Variants in PIEZO1 observed in about 807,000 individuals in gnomAD.
PIEZO1 encodes piezo-type mechanosensitive ion channel component 1.
In PIEZO1, 296 loss-of-function variants were observed where a neutral mutation model predicts 297.2. The observed-to-expected ratio is 1.00, with a 90% CI of 0.91 to 1.10. The LOEUF (loss-of-function observed/expected upper bound fraction) is 1.10. PIEZO1 is among the 50% of genes least tolerant of loss of function. PIEZO1 has a pLI of 0.00. For missense variants in PIEZO1, 5,018 were observed against 3,455.5 expected (o/e 1.45, Z -11.34); for synonymous variants, 2,427 against 1,507.5 (o/e 1.61, Z -14.13).
chr16:88,753,856 G>A (rs1906521112), intron 1 of PIEZO1, among the ~76,000 whole-genome samples: 1 of 152,212 alleles, frequency 6.6e-6, no homozygotes, highest in Non-Finnish European at 1.5e-5. Context: ...TCCAACTCAG[G>A]GCAGGTCGGA....
At chr16:88,735,371 C>T in intron 12 of PIEZO1, 125 bp from the exon 13 acceptor site, 1 of 680,534 alleles carries the variant, frequency 1.5e-6, no homozygotes, top group South Asian at 1.7e-5. Flanking sequence ...AGCCCATCCA[C>T]CGCAGCCTCC....
At chr16:88,760,580 C>A (rs886418164) in intron 1 of PIEZO1, among the ~76,000 whole-genome samples, 3 of 152,206 alleles carry the variant, frequency 2.0e-5, no homozygotes, top group African/African-American at 4.8e-5. Context: ...GGGGAACGAC[C>A]CGCCTTTAAG....
At chr16:88,741,440 T>A in intron 5 of PIEZO1, 38 bp downstream of exon 5, 1 of 1,497,982 alleles carries the variant, frequency 6.7e-7, no homozygotes. Context: ...AGCTCTCGAA[T>A]GACCTCCCTG....
chr16:88,716,597 C>G lies in PIEZO1; in HGVS notation c.6888G>C (p.Thr2296=). ...AQMKRELYNG[T]ADITLRFTWN... is the part of the protein sequence containing the mutation. Reference sequence around the variant, plus strand: ...AGGTGAAGCGCAGGGTGATGTCGGCCGTGCCGTTGTAGAGCTCCCGCTTCA... The same window carrying G: ...AGGTGAAGCGCAGGGTGATGTCGGCGGTGCCGTTGTAGAGCTCCCGCTTCA... The change falls in exon 47 of 51, where the codon ACG becomes ACC. Residue 2296 remains threonine, a synonymous_variant. Transcript: ENST00000301015. The G allele has an allele frequency of 6.5e-7, 1 of 1,548,408 alleles. No individual in the cohort carries two copies. Among genetic ancestry groups the G allele is most frequent in the Non-Finnish European group, 8.7e-7 (1 of 1,145,800 alleles).
intron 1 of PIEZO1, among the ~76,000 whole-genome samples, chr16:88,774,206 A>G (rs1442885029): frequency 6.6e-6 from 1 of 152,128 alleles, no homozygotes; most frequent in East Asian, 1.9e-4. Context: ...GGCGACGCCC[A>G]GTGACTCCCT....
intron 1 of PIEZO1, among the ~76,000 whole-genome samples, chr16:88,761,624 T>C (rs1301550570): frequency 1.3e-5 from 2 of 152,110 alleles, no homozygotes; most frequent in East Asian, 1.9e-4. Context: ...GGGTCCGCAG[T>C]GAACGACCCC....
rs1022134676 is a variant in PIEZO1, at chr16:88,734,552, G to A, written c.1998-14C>T. On this transcript the variant is annotated splice_polypyrimidine_tract_variant and intron_variant, in intron 15 of 50. Transcript: ENST00000301015. ...AGGTCCCCCAGCCTGTGGAGGGGCA[G>A]CATCAGCACCGGCCCGGCCCCCGGC... 2.6e-6 allele frequency: 4 copies of A among 1,542,384 alleles called. No homozygotes were observed. The highest frequency in any genetic ancestry group is 3.5e-6 in the Non-Finnish European group (4 of 1,142,076).
At chr16:88,727,318 C>T in intron 23 of PIEZO1, 126 bp from the exon 24 acceptor site, 1 of 1,133,858 alleles carries the variant, frequency 8.8e-7, no homozygotes, top group African/African-American at 1.6e-5. Context: ...ACACGTCTGC[C>T]TGGGTGAGTG....
chr16:88,765,616 G>C (rs1907139482), intron 1 of PIEZO1, among the ~76,000 whole-genome samples: 1 of 152,056 alleles, frequency 6.6e-6, no homozygotes, highest in Admixed American at 6.5e-5. Flanking sequence ...CTGGACAGCA[G>C]CGCCTGGAGC....
intron 19 of PIEZO1, chr16:88,733,029 C>G (rs578220230): frequency 3.4e-6 from 2 of 582,982 alleles, no homozygotes; most frequent in Non-Finnish European, 6.1e-6. Flanking sequence ...GGGGCCCTCC[C>G]GTCCTCACTG....
At position 88,717,015 on chromosome 16, in the gene PIEZO1, A is replaced by G. The variant is rs1337323548; in HGVS notation, c.6660+8T>C. The G allele has an allele frequency of 6.5e-7, 1 of 1,550,334 alleles. No individual in the cohort carries two copies. Among genetic ancestry groups the G allele is most frequent in the East Asian group, 2.4e-5 (1 of 40,928 alleles). ...TGGGAATGGACAGGCGGACCCACAC[A>G]TGCTCACCTCATAGCCGCCCAGCTT... On this transcript the variant is annotated splice_region_variant and intron_variant, in intron 45 of 50. Transcript: ENST00000301015.
intron 4 of PIEZO1, 35 bp downstream of exon 4, chr16:88,742,018 G>C: frequency 6.5e-7 from 1 of 1,534,030 alleles, no homozygotes; most frequent in Non-Finnish European, 8.7e-7. Context: ...CCCCAAGGGA[G>C]GCTTGCTGGT....
Position 88,736,262 on chromosome 16 carries a change from G to A in PIEZO1, c.1443C>T (p.Arg481=). The change falls in exon 12 of 51, where the codon CGC becomes CGT. Residue 481 remains arginine (R), a synonymous_variant. Transcript: ENST00000301015. The part of the protein sequence containing the change: ...LLYGMTLCCL[R]YVWAMDLRPE... Reference sequence around the variant, plus strand: ...GGCGCAGGTCCATGGCCCACACGTAGCGTAGGCAGCACAGCGTCATCCCAT... The same window carrying A: ...GGCGCAGGTCCATGGCCCACACGTAACGTAGGCAGCACAGCGTCATCCCAT... 6.5e-7 allele frequency: 1 copy of A among 1,550,156 alleles called. No individual in the cohort carries two copies. The highest frequency in any genetic ancestry group is 8.7e-7 in the Non-Finnish European group (1 of 1,146,826).
chr16:88,784,984 C>A lies in PIEZO1; in HGVS notation c.-20G>T. On this transcript the variant is annotated 5_prime_UTR_variant, in exon 1 of 51. Coordinates refer to ENST00000301015, the MANE Select transcript of PIEZO1 (RefSeq NM_001142864.4). The stretch of plus-strand genomic sequence containing the variant: ...CTCCATGGCTGGAGGGCCCAGGGCC[C>A]GGCCCAGACCGAGCGGACGCCGCGG... 8.0e-7 allele frequency: 1 copy of A among 1,243,690 alleles called. No homozygotes were observed. Among genetic ancestry groups the A allele is most frequent in the Non-Finnish European group, 1.0e-6 (1 of 989,142 alleles). The allele number at this position is 1,243,690 out of a possible 1,614,324, so 77.0% of individuals were successfully genotyped here.
Position 88,725,065 on chromosome 16 carries a change from C to T in PIEZO1, c.4178G>A (p.Gly1393Glu), listed in dbSNP as rs1360901738. 2 of 1,510,734 alleles carry T rather than the reference C, an allele frequency of 1.3e-6. No homozygotes were observed. Among genetic ancestry groups the T allele is most frequent in the African/African-American group, 1.4e-5 (1 of 70,268 alleles). 93.6% of individuals were successfully genotyped at this position (1,510,734 alleles called of 1,614,324 possible). ...CTGCCTCCGTGGCGGGGAGGAGCCC[C>T]CTGGACTGTCGGGCCCTGTGGAGGG... ...PGLEPGPDSPGGSSPPRRQWW... is the reference protein window; with the variant it reads ...PGLEPGPDSPEGSSPPRRQWW... The change falls in exon 30 of 51, where the codon GGG (glycine) becomes GAG (glutamate). Residue 1393 changes from glycine to glutamate, a missense_variant. Physicochemically the swap from Gly to Glu is moderately conservative, Grantham distance 98 (BLOSUM62 -2). Transcript: ENST00000301015.
At position 88,741,517 on chromosome 16, in the gene PIEZO1, A is replaced by G. The variant is rs2142842527; in HGVS notation, c.426T>C (p.Leu142=). 5 of 1,535,650 alleles carry G rather than the reference A, an allele frequency of 3.3e-6. No individual in the cohort carries two copies. The East Asian group carries it at 1.2e-4, about 38-fold the overall frequency. ...GTGGGCTCTGCCGGGTGTTCCTTGC[A>G]AGGCGCCCGCAGATGCCGAGGCAGA... is the stretch of plus-strand genomic sequence containing the variant. The part of the protein sequence containing the change: ...SSVCLGICGR[L]ARNTRQSPHP... The change falls in exon 5 of 51, where the codon CTT becomes CTC. Residue 142 remains leucine, a synonymous_variant. Coordinates refer to ENST00000301015, the MANE Select transcript of PIEZO1 (RefSeq NM_001142864.4).
chr16:88,749,465 A>G lies in PIEZO1; in HGVS notation c.79T>C (p.Phe27Leu). The change falls in exon 2 of 51, where the codon TTC (phenylalanine) becomes CTC (leucine). Residue 27 changes from phenylalanine (F) to leucine (L), a missense_variant. Transcript: ENST00000301015. Reference protein sequence around the residue: ...CALLAACLLRFSGLSLVYLLF... With the variant: ...CALLAACLLRLSGLSLVYLLF... Reference sequence around the variant, plus strand: ...AGGTAGACCAGCGAGAGTCCGCTGAAGCGGAGCAGGCAGGCTGCGGGGAGA... The same window carrying G: ...AGGTAGACCAGCGAGAGTCCGCTGAGGCGGAGCAGGCAGGCTGCGGGGAGA... 2.0e-6 allele frequency: 3 copies of G among 1,526,200 alleles called. No individual in the cohort carries two copies. Among genetic ancestry groups the G allele is most frequent in the Non-Finnish European group, 2.6e-6 (3 of 1,143,106 alleles). The allele number at this position is 1,526,200 out of a possible 1,614,324, so 94.5% of individuals were successfully genotyped here.
At chr16:88,767,539 C>T (rs1907232265) in intron 1 of PIEZO1, among the ~76,000 whole-genome samples, 1 of 152,194 alleles carries the variant, frequency 6.6e-6, no homozygotes, top group Non-Finnish European at 1.5e-5. Flanking sequence ...CAAACCCCTG[C>T]TCCTCTCCCA....
rs1567675513 is a variant in PIEZO1, at chr16:88,737,608, G to C, written c.1146C>G (p.Asn382Lys). Residue 382 changes from asparagine to lysine, a missense_variant, in exon 10 of 51, where the codon AAC becomes AAG. Transcript: ENST00000301015. ...GGCCGGTCAGCTCGTGCACGATGCA[G>C]TTATCAGCCTCGGTGTCGGGTGCTG... The part of the protein sequence containing the change: ...VPTAPDTEAD[N>K]CIVHELTGQS... 2 of 1,534,976 alleles carry C rather than the reference G, an allele frequency of 1.3e-6. No individual in the cohort carries two copies. The highest frequency in any genetic ancestry group is 2.4e-5 in the East Asian group (1 of 40,914).
Sources: gnomAD v4.1 joint callset for allele counts (sites outside exome capture counted in the v4.1 genomes callset) on GRCh38, gnomAD v4.1.1 for gene constraint, MANE v1.5 for transcripts, NCBI Gene and HGNC (gene_info 2026-07-23, HGNC 2026-07-21) for gene names.